ZNF184: variants seen among roughly 807,000 people sequenced by gnomAD.
The protein encoded by ZNF184 is zinc finger protein 184 (Kruppel-like).
ZNF184 carries 16 observed loss-of-function variants against 54.4 expected under a neutral mutation model. The ratio of observed to expected loss-of-function variants is 0.29; its 90% confidence interval spans 0.20 to 0.45. ZNF184 has a LOEUF of 0.45. ZNF184 is among the 20% of genes least tolerant of loss of function. ZNF184 has a pLI of 1.00. For missense variants in ZNF184, 681 were observed against 888.2 expected (o/e 0.77, Z 2.97); for synonymous variants, 254 against 295.3 (o/e 0.86, Z 1.43).
the ZNF184 span, among the ~76,000 whole-genome samples, chr6:27,437,247 T>C: frequency 1.3e-5 from 2 of 152,222 alleles, no homozygotes; most frequent in Non-Finnish European, 2.9e-5. Context: ...GGGCCTAACC[T>C]GGTCAAATGA....
chr6:27,438,257 C>T, the ZNF184 span, among the ~76,000 whole-genome samples: 24 of 152,182 alleles, frequency 1.6e-4, no homozygotes, highest in African/African-American at 5.5e-4. Flanking sequence ...CATCTATATG[C>T]ATGAATAGAT....
At chr6:27,466,057 G>C (rs6920010) in intron 3 of ZNF184, among the ~76,000 whole-genome samples, 1 of 151,984 alleles carries the variant, frequency 6.6e-6, no homozygotes, top group South Asian at 2.1e-4. Context: ...GGTGAGCCTA[G>C]AGTAATCACA....
At chr6:27,422,208 G>GAAAGAAAGAAAGAA in the ZNF184 span, among the ~76,000 whole-genome samples, 1 of 106,468 alleles carries the variant, frequency 9.4e-6, no homozygotes, top group East Asian at 2.9e-4. Flanking sequence ...AAGAAAGAAA[G>GAAAGAAAGAAAGAA]AAAGAAAGAA....
At chr6:27,429,337 A>G in the ZNF184 span, among the ~76,000 whole-genome samples, 1 of 152,206 alleles carries the variant, frequency 6.6e-6, no homozygotes. Flanking sequence ...AGAGCCTGGC[A>G]GTCATTAGAG....
At chr6:27,470,153 G>A (rs1763238916) in intron 2 of ZNF184, among the ~76,000 whole-genome samples, 1 of 152,028 alleles carries the variant, frequency 6.6e-6, no homozygotes, top group Non-Finnish European at 1.5e-5. Context: ...AAGAGAGCTG[G>A]GTAAAATTTA....
Position 27,457,191 on chromosome 6 carries a change from G to T in ZNF184, c.202+92C>A, listed in dbSNP as rs561049848. The T allele has an allele frequency of 4.7e-6, 7 of 1,479,458 alleles. No individual in the cohort carries two copies. In the South Asian group the frequency reaches 9.4e-5, roughly 20 times the overall value. The allele number at this position is 1,479,458 out of a possible 1,614,324, so 91.6% of individuals were successfully genotyped here. On this transcript the variant is annotated intron_variant, in intron 4 of 5. Coordinates refer to ENST00000683788, the MANE Select transcript of ZNF184 (RefSeq NM_001318891.2). ...AAAACTAGAAATTTAGAAATGGTTGGTTACTAAACTTAAAGGCAAACTCCC... is the reference window on the plus strand; with the variant it reads ...AAAACTAGAAATTTAGAAATGGTTGTTTACTAAACTTAAAGGCAAACTCCC...
intron 5 of ZNF184, among the ~76,000 whole-genome samples, chr6:27,456,496 G>T (rs1415286916): frequency 1.3e-5 from 2 of 152,144 alleles, no homozygotes; most frequent in Non-Finnish European, 2.9e-5. Flanking sequence ...ATAAAAAATT[G>T]TAAGGACTGA....
chr6:27,424,327 G>A, the ZNF184 span, among the ~76,000 whole-genome samples: 2 of 152,212 alleles, frequency 1.3e-5, no homozygotes, highest in African/African-American at 4.8e-5. Flanking sequence ...TTATTGCAAA[G>A]AGTAAAAGAA....
At chr6:27,425,909 A>C in the ZNF184 span, among the ~76,000 whole-genome samples, 1 of 152,290 alleles carries the variant, frequency 6.6e-6, no homozygotes, top group South Asian at 2.1e-4. Context: ...CTGCTTCCTT[A>C]TCAAGATCAG....
At chr6:27,428,418 A>C in the ZNF184 span, among the ~76,000 whole-genome samples, 1 of 152,202 alleles carries the variant, frequency 6.6e-6, no homozygotes, top group Admixed American at 6.5e-5. The surrounding 1 kb of genome is among the most constrained non-coding windows in gnomAD (Gnocchi z 4.1). Flanking sequence ...CCCTACAAAG[A>C]TCAAGGTTCA....
chr6:27,414,801 A>T, the ZNF184 span, among the ~76,000 whole-genome samples: 103,137 of 151,718 alleles, frequency 0.68, 35,148 homozygotes, highest in Middle Eastern at 0.79. Context: ...GAGTTCCCCA[A>T]AAGCAGGAAG....
the ZNF184 span, among the ~76,000 whole-genome samples, chr6:27,415,591 G>T: frequency 6.6e-6 from 1 of 152,108 alleles, no homozygotes; most frequent in Non-Finnish European, 1.5e-5. Flanking sequence ...GTCTCAGGTT[G>T]CCAAGGTCTA....
Position 27,472,583 on chromosome 6 carries a change from A to G in ZNF184, c.-140+146T>C. 1 of 412,824 alleles carries G rather than the reference A, an allele frequency of 2.4e-6. No homozygotes were observed. The highest frequency in any genetic ancestry group is 4.4e-6 in the Non-Finnish European group (1 of 224,798). 25.6% of individuals were successfully genotyped at this position (412,824 alleles called of 1,614,324 possible). Reference sequence around the variant, plus strand: ...CTCCGATGAACAAAACAGAGTGGAGATCGGGTACGCGGGTTCTGCTTCAGA... The same window carrying G: ...CTCCGATGAACAAAACAGAGTGGAGGTCGGGTACGCGGGTTCTGCTTCAGA... On this transcript the variant is annotated intron_variant, in intron 1 of 5. Transcript: ENST00000683788. The surrounding 1 kb of genome is among the most constrained non-coding windows in gnomAD (Gnocchi z 4.8).
At chr6:27,418,854 G>T in the ZNF184 span, among the ~76,000 whole-genome samples, 1 of 151,958 alleles carries the variant, frequency 6.6e-6, no homozygotes, top group Admixed American at 6.5e-5. Flanking sequence ...AAATTTTAAT[G>T]TAGTCATGAG....
rs1762700508 is a variant in ZNF184, at chr6:27,451,067, A to G, written c.*236T>C. On this transcript the variant is annotated 3_prime_UTR_variant, in exon 6 of 6. Transcript: ENST00000683788. ...CTACCTTTGAAATAATCTACTCCAA[A>G]TCCTTCATTCCATAAAGGAAACTAA... The G allele has an allele frequency of 4.7e-6, 2 of 424,022 alleles. No homozygotes were observed. Among genetic ancestry groups the G allele is most frequent in the African/African-American group, 4.1e-5 (2 of 48,810 alleles). 26.3% of individuals were successfully genotyped at this position (424,022 alleles called of 1,614,324 possible).
In ZNF184 at chr6:27,457,239, C is replaced by T. The variant is rs185358053; in HGVS notation, c.202+44G>A. ...CCCCTGAGCACAAGAGAGAACCCTC[C>T]TCCTGCACACCCCTTGATATTAACT... is the stretch of plus-strand genomic sequence containing the variant. On this transcript the variant is annotated intron_variant, in intron 4 of 5. Transcript: ENST00000683788. The T allele has an allele frequency of 5.9e-5, 95 of 1,600,276 alleles. 1 individual carries two copies. In the East Asian group the frequency reaches 1.7e-3, roughly 28 times the overall value.
rs1458157119 is a variant in ZNF184, at chr6:27,452,559, A to G, written c.1000T>C (p.Tyr334His). 3.1e-6 allele frequency: 5 copies of G among 1,613,988 alleles called. No homozygotes were observed. In the Admixed American group the frequency reaches 5.0e-5, roughly 16 times the overall value. ...GCTTTTCCACACTCATTACAAGTGT[A>G]TGGCTTCTCGCCAGTATGAATTCTC... ...HQRIHTGEKP[Y>H]TCNECGKAFS... Residue 334 changes from tyrosine to histidine, a missense_variant, in exon 6 of 6, where the codon TAC (tyrosine) becomes CAC (histidine). By Grantham distance (83) the Tyr-to-His change is moderately conservative. Transcript: ENST00000683788. The surrounding 1 kb of genome is among the most constrained non-coding windows in gnomAD (Gnocchi z 5.5).
chr6:27,460,169 G>A (rs1167233099), intron 3 of ZNF184, among the ~76,000 whole-genome samples: 2 of 152,006 alleles, frequency 1.3e-5, no homozygotes, highest in Non-Finnish European at 2.9e-5. Flanking sequence ...TTTATGAATA[G>A]GAAGAACGTT....
Position 27,451,120 on chromosome 6 carries a change from TCA to T in ZNF184, c.*181_*182del, listed in dbSNP as rs1301634554. The T allele has an allele frequency of 6.8e-6, 4 of 589,234 alleles. No homozygotes were observed. The African/African-American group carries it at 7.6e-5, about 11-fold the overall frequency. 36.5% of individuals were successfully genotyped at this position (589,234 alleles called of 1,614,324 possible). On this transcript the variant is annotated 3_prime_UTR_variant, in exon 6 of 6. Transcript: ENST00000683788. ...CTTAAAACAGTAGAGTTTTCTAATG[TCA>T]CAGAGTGGCTTAATAACAATTGGAT...
Sources: allele counts gnomAD v4.1 joint callset (sites outside exome capture counted in the v4.1 genomes callset), GRCh38; gene constraint gnomAD v4.1.1; non-coding constraint Gnocchi (gnomAD v3.1); transcripts MANE v1.5; gene names NCBI Gene and HGNC (gene_info 2026-07-23, HGNC 2026-07-21).